ELF2: variants seen among roughly 807,000 people sequenced by gnomAD.
The protein encoded by ELF2 is ETS-related transcription factor Elf-2.
ELF2 carries 11 observed loss-of-function variants against 54.8 expected under a neutral mutation model. The ratio of observed to expected loss-of-function variants is 0.20; its 90% confidence interval spans 0.13 to 0.33. ELF2 has a LOEUF of 0.33. Among genes scored for constraint, ELF2 ranks in the 10% least tolerant of loss-of-function variants. The pLI, the probability that ELF2 is intolerant of heterozygous loss-of-function variation, is 1.00. For synonymous variants in ELF2, 203 were observed against 245.1 expected, an observed-to-expected ratio of 0.83 and a Z score of 1.61; for missense variants, 513 against 703.0, an observed-to-expected ratio of 0.73 and a Z score of 3.06.
chr4:139,065,084 G>C (rs938092763), intron 7 of ELF2, among the ~76,000 whole-genome samples: 2 of 152,012 alleles, frequency 1.3e-5, no homozygotes, highest in African/African-American at 4.8e-5. Context: ...TTTTACTCTG[G>C]AAGAAATGTT....
chr4:139,077,404 G>C (rs567592039), intron 4 of ELF2, among the ~76,000 whole-genome samples: 2 of 152,124 alleles, frequency 1.3e-5, no homozygotes, highest in Non-Finnish European at 2.9e-5. Flanking sequence ...AGCATGTTAA[G>C]AGGAACACTG....
chr4:139,128,870 T>C (rs1175123700), intron 3 of ELF2, among the ~76,000 whole-genome samples: 3 of 152,140 alleles, frequency 2.0e-5, no homozygotes, highest in Admixed American at 6.5e-5. Flanking sequence ...CAATCTCTAC[T>C]GCCTCCCCGC....
At chr4:139,070,432 AGGCATGCAACACCAC>A (rs935518582) in intron 6 of ELF2, among the ~76,000 whole-genome samples, 1 of 151,936 alleles carries the variant, frequency 6.6e-6, no homozygotes, top group African/African-American at 2.4e-5. Context: ...CTGGGACTAC[AGGCATGCAACACCAC>A]GGCTGGCTAA....
intron 4 of ELF2, among the ~76,000 whole-genome samples, chr4:139,114,776 G>GGGGGCAGGGGAAGAGACCCCT (rs1735433968): frequency 6.6e-6 from 1 of 151,678 alleles, no homozygotes; most frequent in Admixed American, 6.6e-5. Flanking sequence ...GGAAAACTGA[G>GGGGGCAGGGGAAGAGACCCCT]GGGGCAGGGG....
chr4:139,108,925 G>A (rs1454055713), intron 4 of ELF2, among the ~76,000 whole-genome samples: 1 of 152,110 alleles, frequency 6.6e-6, no homozygotes, highest in Admixed American at 6.6e-5. Context: ...CCCGTGTCTA[G>A]AACTGTTAAG....
chr4:139,086,025 A>G (rs1731938025), intron 4 of ELF2, among the ~76,000 whole-genome samples: 1 of 152,230 alleles, frequency 6.6e-6, no homozygotes, highest in South Asian at 2.1e-4. Flanking sequence ...CAAAACTCTT[A>G]CAAAACAGTC....
intron 1 of ELF2, among the ~76,000 whole-genome samples, chr4:139,168,846 G>A (rs1173144186): frequency 6.6e-6 from 1 of 152,108 alleles, no homozygotes; most frequent in Non-Finnish European, 1.5e-5. Context: ...AGGATTACAG[G>A]CATGAGCCAC....
chr4:139,170,961 G>C (rs560013031), intron 1 of ELF2, among the ~76,000 whole-genome samples: 1 of 151,834 alleles, frequency 6.6e-6, no homozygotes, highest in Admixed American at 6.6e-5. Context: ...GACCAGGCTG[G>C]TCTCGAACTC....
At chr4:139,139,389 A>C in intron 2 of ELF2, 24 bp downstream of exon 2, 3 of 1,132,118 alleles carry the variant, frequency 2.6e-6, no homozygotes. Context: ...ATATATAATA[A>C]TAGCAGAAAT....
chr4:139,149,432 A>C (rs1228128014), intron 1 of ELF2, among the ~76,000 whole-genome samples: 1 of 152,174 alleles, frequency 6.6e-6, no homozygotes, highest in Non-Finnish European at 1.5e-5. Context: ...CAACATGGTG[A>C]AACCCCACCT....
At chr4:139,139,596 C>T in intron 1 of ELF2, 99 bp from the exon 2 acceptor site, 2 of 532,200 alleles carry the variant, frequency 3.8e-6, no homozygotes, top group East Asian at 8.7e-5. Flanking sequence ...CTTAATAAAA[C>T]AAATCACTTC....
intron 4 of ELF2, among the ~76,000 whole-genome samples, chr4:139,092,782 CAG>C (rs1296297984): frequency 6.6e-6 from 1 of 151,516 alleles, no homozygotes; most frequent in East Asian, 1.9e-4. Context: ...GCCTGGGCGA[CAG>C]AGAGACTCCG....
chr4:139,116,114 C>T (rs191623177), intron 4 of ELF2, among the ~76,000 whole-genome samples: 1 of 152,346 alleles, frequency 6.6e-6, no homozygotes, highest in East Asian at 1.9e-4. Context: ...GCTTGAGCCA[C>T]TATACCTGGC....
intron 1 of ELF2, among the ~76,000 whole-genome samples, chr4:139,153,298 G>A (rs1309146279): frequency 3.3e-5 from 5 of 152,102 alleles, no homozygotes; most frequent in South Asian, 2.1e-4. Context: ...AGTCAGACAC[G>A]GTGGCACACG....
In ELF2 at chr4:139,151,035, AG is replaced by A. The variant is rs1191446754; in HGVS notation, c.-251-11539del. Reference sequence around the variant, plus strand: ...CGAGGCTCCATCTCAAAAAAAAAAAAGAAAGAAAGAAAGAAAGAAAGAAAGA... The same window carrying A: ...CGAGGCTCCATCTCAAAAAAAAAAAAAAAGAAAGAAAGAAAGAAAGAAAGA... On this transcript the variant is annotated intron_variant, in intron 1 of 9. Coordinates refer to ENST00000686138, the MANE Select transcript of ELF2 (RefSeq NM_001331036.3). Among the ~76,000 whole-genome samples the A allele has an allele frequency of 1.5e-3, 63 of 42,534 alleles. 1 individual carries two copies. Among genetic ancestry groups the A allele is most frequent in the African/African-American group, 3.1e-3 (54 of 17,156 alleles). 27.9% of individuals were successfully genotyped at this position (42,534 alleles called of 152,430 possible).
Position 139,058,479 on chromosome 4 carries a change from G to A in ELF2, c.*504C>T, listed in dbSNP as rs1028996150. Reference sequence around the variant, plus strand: ...GCTATCCTCTTTCTGAAGTTTTTGGGATCCATTCTTCAATTCACATTCTAA... The same window carrying A: ...GCTATCCTCTTTCTGAAGTTTTTGGAATCCATTCTTCAATTCACATTCTAA... On this transcript the variant is annotated 3_prime_UTR_variant, in exon 10 of 10. Coordinates refer to ENST00000686138, the MANE Select transcript of ELF2 (RefSeq NM_001331036.3). 2.0e-5 allele frequency: 3 copies of A among 150,702 alleles called. No homozygotes were observed. The highest frequency in any genetic ancestry group is 7.3e-5 in the African/African-American group (3 of 40,826). The allele number at this position is 150,702 out of a possible 1,614,324, so 9.3% of individuals were successfully genotyped here. A position where few individuals can be genotyped will look rare whatever the true frequency, so the allele number is the denominator to read the frequency against.
intron 1 of ELF2, among the ~76,000 whole-genome samples, chr4:139,168,911 T>C (rs963245228): frequency 6.6e-6 from 1 of 152,044 alleles, no homozygotes; most frequent in African/African-American, 2.4e-5. Context: ...TGAAAGTTGT[T>C]AGAATTAAAA....
At chr4:139,062,222 G>C in intron 7 of ELF2, 165 bp from the exon 8 acceptor site, 4 of 660,288 alleles carry the variant, frequency 6.1e-6, no homozygotes, top group African/African-American at 1.8e-5. Context: ...CCAGGCTGGA[G>C]TGCAGTGGCA....
At chr4:139,134,322 T>C (rs1173066868) in intron 3 of ELF2, among the ~76,000 whole-genome samples, 1 of 152,162 alleles carries the variant, frequency 6.6e-6, no homozygotes, top group Non-Finnish European at 1.5e-5. Flanking sequence ...TTCTACCATT[T>C]ATACACTGCT....
Sources: allele counts gnomAD v4.1 joint callset (sites outside exome capture counted in the v4.1 genomes callset), GRCh38; gene constraint gnomAD v4.1.1; transcripts MANE v1.5; gene names NCBI Gene and HGNC (gene_info 2026-07-23, HGNC 2026-07-21).